RERE: variants seen among roughly 807,000 people sequenced by gnomAD.
The protein encoded by RERE is arginine-glutamic acid dipeptide repeats protein.
In RERE, 40 loss-of-function variants were observed where a neutral mutation model predicts 146.1. The observed-to-expected ratio is 0.27, with a 90% CI of 0.21 to 0.36. The LOEUF (loss-of-function observed/expected upper bound fraction) is 0.36. Among genes scored for constraint, RERE ranks in the 10% least tolerant of loss-of-function variants. The probability of loss-of-function intolerance (pLI) is 1.00; values close to 1 mark genes in which losing one functional copy is unlikely to be tolerated. For missense variants in RERE, 1,933 were observed against 2,138.7 expected (o/e 0.90, Z 1.90); for synonymous variants, 1,003 against 866.0 (o/e 1.16, Z -2.78).
intron 4 of RERE, among the ~76,000 whole-genome samples, chr1:8,584,339 G>A (rs1411745522): frequency 2.0e-5 from 3 of 152,106 alleles, no homozygotes; most frequent in Non-Finnish European, 4.4e-5. Flanking sequence ...GAGGACAGGA[G>A]TTCGAGACCA....
intron 1 of RERE, among the ~76,000 whole-genome samples, chr1:8,726,511 C>T (rs1639972871): frequency 6.6e-6 from 1 of 152,100 alleles, no homozygotes; most frequent in Non-Finnish European, 1.5e-5. Context: ...TTCCCTAGGG[C>T]CATATAATTC....
rs972043559 is a variant in RERE at position 8,449,357 on chromosome 1, G to A, written c.1203+16568C>T. Among the ~76,000 whole-genome samples, 67 of 152,240 alleles carry A rather than the reference G, an allele frequency of 4.4e-4. 1 individual carries two copies. Among genetic ancestry groups the A allele is most frequent in the Admixed American group, 2.6e-3 (40 of 15,288 alleles). On this transcript the variant is annotated intron_variant, in intron 11 of 22. Transcript: ENST00000400908. ...AAGGGAACTCCGCCGGCTAGACAGA[G>A]CCCCATTTTGGGTTCAGCTCCAACT...
At chr1:8,470,098 G>T (rs987454461) in intron 10 of RERE, among the ~76,000 whole-genome samples, 1 of 151,994 alleles carries the variant, frequency 6.6e-6, no homozygotes, top group African/African-American at 2.4e-5. Flanking sequence ...TTGACCTGTT[G>T]TCTGGCTGGC....
intron 4 of RERE, among the ~76,000 whole-genome samples, chr1:8,605,995 T>C (rs573283022): frequency 1.3e-5 from 2 of 152,056 alleles, no homozygotes; most frequent in African/African-American, 4.8e-5. Context: ...TTTGAATTTT[T>C]TGTAGAAACA....
At chr1:8,573,620 T>A (rs768522898) in intron 4 of RERE, among the ~76,000 whole-genome samples, 1 of 152,232 alleles carries the variant, frequency 6.6e-6, no homozygotes, top group Non-Finnish European at 1.5e-5. Flanking sequence ...TATATATGTT[T>A]TCACACATAA....
intron 1 of RERE, among the ~76,000 whole-genome samples, chr1:8,695,477 T>C (rs550791274): frequency 7.3e-5 from 11 of 150,468 alleles, no homozygotes; most frequent in Middle Eastern, 3.5e-3. Context: ...GGGCCAGGCA[T>C]GGTAGCTCAT....
chr1:8,594,514 G>A (rs1646532150), intron 4 of RERE, among the ~76,000 whole-genome samples: 1 of 152,128 alleles, frequency 6.6e-6, no homozygotes, highest in Admixed American at 6.5e-5. Flanking sequence ...AGTAGACAGA[G>A]GCGCAGAAAC....
Position 8,711,157 on chromosome 1 carries a change from C to CAAAAAAAA in RERE, c.-144-54724_-144-54717dup, listed in dbSNP as rs57814312. ...GGGTGACAGAGTGTGACTCTGTCTC[C>CAAAAAAAA]AAAAAAAAAAAAAAAAAAAAAAAAA... On this transcript the variant is annotated intron_variant, in intron 1 of 22. Transcript: ENST00000400908. Among the ~76,000 whole-genome samples, 34 of 68,260 alleles carry CAAAAAAAA rather than the reference C, an allele frequency of 5.0e-4. 2 individuals carry two copies. The highest frequency in any genetic ancestry group is 2.0e-3 in the African/African-American group (32 of 16,030). The allele number at this position is 68,260 out of a possible 152,430, so 44.8% of individuals were successfully genotyped here.
At position 8,358,799 on chromosome 1, in the gene RERE, T is replaced by C. The variant is rs1179350439; in HGVS notation, c.3736A>G (p.Ile1246Val). The C allele has an allele frequency of 5.0e-6, 8 of 1,612,420 alleles. No homozygotes were observed. Among genetic ancestry groups the C allele is most frequent in the East Asian group, 4.5e-5 (2 of 44,834 alleles). Residue 1246 changes from isoleucine (I) to valine (V), a missense_variant, in exon 20 of 23, where the codon ATC becomes GTC. Coordinates refer to ENST00000400908, the MANE Select transcript of RERE (RefSeq NM_001042681.2). ...CGAAGGGCAGGTGTGTCGGGCCCGA[T>C]GTAGGGGGGCACAGCAGCAATGGTG... The part of the protein sequence containing the change: ...PTTIAAVPPY[I>V]GPDTPALRTL...
chr1:8,481,009 C>T (rs1048968182), intron 10 of RERE, among the ~76,000 whole-genome samples: 1 of 152,226 alleles, frequency 6.6e-6, no homozygotes, highest in Non-Finnish European at 1.5e-5. Context: ...TCACATTCCT[C>T]AGTCCCTGCT....
At chr1:8,541,349 T>G in intron 6 of RERE, 31 bp from the exon 7 acceptor site, 7 of 1,370,344 alleles carry the variant, frequency 5.1e-6, no homozygotes, top group Non-Finnish European at 7.3e-6. Flanking sequence ...TAATTAGTAA[T>G]ACCCTCAACT....
chr1:8,411,981 C>G (rs1643629640), intron 12 of RERE, among the ~76,000 whole-genome samples: 1 of 152,182 alleles, frequency 6.6e-6, no homozygotes, highest in Admixed American at 6.5e-5. Context: ...AAACCTCTGA[C>G]ATAATTCAAT....
In RERE at chr1:8,358,581, C is replaced by T. The variant is rs1425723082; in HGVS notation, c.3954G>A (p.Glu1318=). 8 of 1,604,824 alleles carry T rather than the reference C, an allele frequency of 5.0e-6. No individual in the cohort carries two copies. Among genetic ancestry groups the T allele is most frequent in the African/African-American group, 1.3e-5 (1 of 74,798 alleles). Residue 1318 remains glutamate, a synonymous_variant, in exon 20 of 23, where the codon GAG becomes GAA. Transcript: ENST00000400908. The part of the protein sequence containing the change: ...EIREREIRER[E]LRERMKPGFE... The stretch of plus-strand genomic sequence containing the variant: ...AGCCCGGCTTCATCCTCTCCCGCAG[C>T]TCCCGCTCTCGGATCTCCCGCTCTC...
At chr1:8,449,266 G>C (rs773516606) in intron 11 of RERE, among the ~76,000 whole-genome samples, 21 of 152,124 alleles carry the variant, frequency 1.4e-4, no homozygotes, top group Non-Finnish European at 2.8e-4. Context: ...AGGCCCTCCA[G>C]CCTGTTTGGA....
chr1:8,559,032 G>A (rs1489334960), intron 4 of RERE, among the ~76,000 whole-genome samples: 1 of 150,948 alleles, frequency 6.6e-6, no homozygotes, highest in Non-Finnish European at 1.5e-5. Flanking sequence ...CTGACCTCAG[G>A]TGATCCATCC....
rs527850652 is a variant in RERE at position 8,809,117 on chromosome 1, G to A, written c.-145+8043C>T. ...CACACCACTGCACTCCAGCCTGGGC[G>A]ACAGAGCGAGACTTTGTCTTAAAAA... On this transcript the variant is annotated intron_variant, in intron 1 of 22. Transcript: ENST00000400908. Among the ~76,000 whole-genome samples, 21 of 138,164 alleles carry A rather than the reference G, an allele frequency of 1.5e-4. No homozygotes were observed. The South Asian group carries it at 2.7e-3, about 17-fold the overall frequency. The allele number at this position is 138,164 out of a possible 152,430, so 90.6% of individuals were successfully genotyped here. A position where few individuals can be genotyped will look rare whatever the true frequency, so the allele number is the denominator to read the frequency against.
At chr1:8,738,204 C>T (rs538599515) in intron 1 of RERE, among the ~76,000 whole-genome samples, 1 of 152,196 alleles carries the variant, frequency 6.6e-6, no homozygotes, top group Admixed American at 6.5e-5. Flanking sequence ...TGAGCCTTTA[C>T]CTCCTCTGTG....
In RERE at chr1:8,352,722, T is replaced by C. The variant is rs1641143433; in HGVS notation, c.*2365A>G. The C allele has an allele frequency of 6.6e-6, 1 of 152,300 alleles. No homozygotes were observed. Among genetic ancestry groups the C allele is most frequent in the Non-Finnish European group, 1.5e-5 (1 of 68,046 alleles). 9.4% of individuals were successfully genotyped at this position (152,300 alleles called of 1,614,324 possible). On this transcript the variant is annotated 3_prime_UTR_variant, in exon 23 of 23. Coordinates refer to ENST00000400908, the MANE Select transcript of RERE (RefSeq NM_001042681.2). Reference sequence around the variant, plus strand: ...TCCGAAGGAAACCGAGTGGTTGGGCTTCAAAGACACCATGAAGGTCAGGGC... The same window carrying C: ...TCCGAAGGAAACCGAGTGGTTGGGCCTCAAAGACACCATGAAGGTCAGGGC...
chr1:8,548,014 A>G (rs1323664218), intron 6 of RERE, among the ~76,000 whole-genome samples: 1 of 152,252 alleles, frequency 6.6e-6, no homozygotes, highest in African/African-American at 2.4e-5. Context: ...TAAGGAAGTA[A>G]AAGAGAATGA....
Sources: allele counts gnomAD v4.1 joint callset (sites outside exome capture counted in the v4.1 genomes callset), GRCh38; gene constraint gnomAD v4.1.1; transcripts MANE v1.5; gene names NCBI Gene and HGNC (gene_info 2026-07-23, HGNC 2026-07-21).